Variants in MMRN2 observed in about 807,000 individuals in gnomAD.
MMRN2 encodes multimerin 2, also known as multimerin-2.
In MMRN2, 53 loss-of-function variants were observed where a neutral mutation model predicts 68.8. The ratio of observed to expected loss-of-function variants is 0.77; its 90% CI spans 0.62 to 0.97. The LOEUF (loss-of-function observed/expected upper bound fraction) is 0.97, where lower values mean the gene tolerates loss of function less well. MMRN2 is among the 50% of genes least tolerant of loss of function. The pLI is 0.00. For synonymous variants in MMRN2, 564 were observed against 551.6 expected, an observed-to-expected ratio of 1.02 and a Z score of -0.32; for missense variants, 1,266 against 1,259.5, an observed-to-expected ratio of 1.01 and a Z score of -0.08.
At position 86,939,230 on chromosome 10, in the gene MMRN2, G is replaced by T. The variant is rs182048297; in HGVS notation, c.2468-2105C>A. ...TGTAATCCCAGCACTTTGGAAGGCC[G>T]AGGTGGGCGGATCACGAGGTCAGGA... On this transcript the variant is annotated intron_variant, in intron 6 of 6. Transcript: ENST00000372027. Among the ~76,000 whole-genome samples the T allele has an allele frequency of 6.1e-4, 92 of 151,364 alleles. 1 individual carries two copies. The highest frequency in any genetic ancestry group is 2.0e-3 in the African/African-American group (84 of 41,224).
chr10:86,956,818 C>T (rs546099942), intron 1 of MMRN2, among the ~76,000 whole-genome samples: 1 of 152,348 alleles, frequency 6.6e-6, no homozygotes, highest in East Asian at 1.9e-4. Context: ...GGCCCTGGCT[C>T]TGTACACATA....
At position 86,942,666 on chromosome 10, in the gene MMRN2, G is replaced by C; in HGVS notation, c.2118C>G (p.Asn706Lys). The change falls in exon 6 of 7, where the codon AAC (asparagine) becomes AAG (lysine). Residue 706 changes from asparagine to lysine, a missense_variant. By Grantham distance (94) the Asn-to-Lys change is moderately conservative. Transcript: ENST00000372027. The part of the protein sequence containing the change: ...GLARELQSLS[N>K]DVKNVGRCCE... ...AGCACCGCCCGACATTCTTGACGTC[G>C]TTGCTCAGGCTCTGGAGCTCCCGCG... 1 of 1,594,108 alleles carries C rather than the reference G, an allele frequency of 6.3e-7. No individual in the cohort carries two copies. The highest frequency in any genetic ancestry group is 8.5e-7 in the Non-Finnish European group (1 of 1,177,188).
intron 1 of MMRN2, among the ~76,000 whole-genome samples, chr10:86,946,941 G>A (rs1176799413): frequency 6.6e-6 from 1 of 152,174 alleles, no homozygotes; most frequent in African/African-American, 2.4e-5. Flanking sequence ...TGAGGCACCA[G>A]ATGTGACAGG....
chr10:86,951,437 C>G (rs1056887379), intron 1 of MMRN2, among the ~76,000 whole-genome samples: 2 of 152,260 alleles, frequency 1.3e-5, no homozygotes, highest in African/African-American at 4.8e-5. Context: ...CTCCAGAGTG[C>G]AGGGCCTTGT....
chr10:86,937,116 A>G lies in MMRN2; in HGVS notation c.2477T>C (p.Val826Ala), dbSNP rs150335178. 5.8e-5 allele frequency: 94 copies of G among 1,613,988 alleles called. No homozygotes were observed. The highest frequency in any genetic ancestry group is 7.5e-5 in the Non-Finnish European group (88 of 1,179,956). ...TTCTGAAAAGCTGGCATAGAAGGCC[A>G]CAGGGGATCCTGAAACATAACAGGA... is the stretch of plus-strand genomic sequence containing the variant. ...GAALWEAGSP[V>A]AFYASFSEGT... The change falls in exon 7 of 7, where the codon GTG becomes GCG. Residue 826 changes from valine to alanine, a missense_variant. Physicochemically the swap from Val to Ala is moderately conservative, Grantham distance 64. Transcript: ENST00000372027.
chr10:86,943,518 A>G lies in MMRN2; in HGVS notation c.1266T>C (p.Thr422=). 1 of 1,614,192 alleles carries G rather than the reference A, an allele frequency of 6.2e-7. No individual in the cohort carries two copies. Residue 422 remains threonine, a synonymous_variant, in exon 6 of 7, where the codon ACT becomes ACC. Coordinates refer to ENST00000372027, the MANE Select transcript of MMRN2 (RefSeq NM_024756.3). The surrounding 1 kb of genome is among the most constrained non-coding windows in gnomAD (Gnocchi z 4.2). ...IKELYSESDE[T]FDQISKVERQ... Reference sequence around the variant, plus strand: ...GCTCCACCTTGCTAATCTGATCGAAAGTCTCGTCCGATTCGGAGTACAGTT... The same window carrying G: ...GCTCCACCTTGCTAATCTGATCGAAGGTCTCGTCCGATTCGGAGTACAGTT...
chr10:86,943,835 C>T lies in MMRN2; in HGVS notation c.949G>A (p.Ala317Thr), dbSNP rs138085924. The T allele has an allele frequency of 7.1e-5, 115 of 1,612,500 alleles. No individual in the cohort carries two copies. Among genetic ancestry groups the T allele is most frequent in the Non-Finnish European group, 9.0e-5 (106 of 1,180,016 alleles). Residue 317 changes from alanine to threonine, a missense_variant, in exon 6 of 7, where the codon GCC becomes ACC. Transcript: ENST00000372027. The surrounding 1 kb of genome is among the most constrained non-coding windows in gnomAD (Gnocchi z 4.2). ...GAGCGGTGCAGGGTAAAGTGCTGGGCGTGCAGGCGGTCCTCCACGTCCTGT... is the reference window on the plus strand; with the variant it reads ...GAGCGGTGCAGGGTAAAGTGCTGGGTGTGCAGGCGGTCCTCCACGTCCTGT... ...LRQDVEDRLHAQHFTLHRSIS... is the reference protein window; with the variant it reads ...LRQDVEDRLHTQHFTLHRSIS...
Position 86,943,030 on chromosome 10 carries a change from G to A in MMRN2, c.1754C>T (p.Ala585Val), listed in dbSNP as rs1844000081. 2 of 1,354,406 alleles carry A rather than the reference G, an allele frequency of 1.5e-6. No homozygotes were observed. Among genetic ancestry groups the A allele is most frequent in the East Asian group, 3.4e-5 (1 of 29,592 alleles). 83.9% of individuals were successfully genotyped at this position (1,354,406 alleles called of 1,614,324 possible). Residue 585 changes from alanine to valine, a missense_variant, in exon 6 of 7, where the codon GCC becomes GTC. Physicochemically the swap from Ala to Val is moderately conservative, Grantham distance 64 (BLOSUM62 0). Transcript: ENST00000372027. This position sits in a 1 kb window ranked among gnomAD's most constrained non-coding sequence, Gnocchi z 4.2. Reference sequence around the variant, plus strand: ...GTGCAGCTGGCGCACCTCGTGGCGGGCCTCGGCCGCGGCCGCCTTCAGCGC... The same window carrying A: ...GTGCAGCTGGCGCACCTCGTGGCGGACCTCGGCCGCGGCCGCCTTCAGCGC... ...VGALKAAAAE[A>V]RHEVRQLHSA... is the part of the protein sequence containing the mutation.
In MMRN2 at chr10:86,943,934, C is replaced by T; in HGVS notation, c.850G>A (p.Ala284Thr). Reference protein sequence around the residue: ...SRVQDSAVARADFQELGAKFE... With the variant: ...SRVQDSAVARTDFQELGAKFE... ...TTGGCACCAAGCTCCTGGAAGTCAG[C>T]CCTGGCCACGGCACTGTCCTGGACT... Residue 284 changes from alanine (A) to threonine (T), a missense_variant, in exon 6 of 7, where the codon GCT (alanine) becomes ACT (threonine). Coordinates refer to ENST00000372027, the MANE Select transcript of MMRN2 (RefSeq NM_024756.3). The surrounding 1 kb of genome is among the most constrained non-coding windows in gnomAD (Gnocchi z 4.2). 6.2e-7 allele frequency: 1 copy of T among 1,614,134 alleles called. No individual in the cohort carries two copies. The highest frequency in any genetic ancestry group is 8.5e-7 in the Non-Finnish European group (1 of 1,180,022).
chr10:86,944,356 A>G lies in MMRN2; in HGVS notation c.561T>C (p.Asp187=), dbSNP rs1219001084. 1 of 1,614,014 alleles carries G rather than the reference A, an allele frequency of 6.2e-7. No individual in the cohort carries two copies. Among genetic ancestry groups the G allele is most frequent in the Non-Finnish European group, 8.5e-7 (1 of 1,180,020 alleles). Residue 187 remains aspartate, a synonymous_variant, in exon 5 of 7, where the codon GAT becomes GAC. Coordinates refer to ENST00000372027, the MANE Select transcript of MMRN2 (RefSeq NM_024756.3). ...GCAGGCTGTCTGCCACCCGGTGCAC[A>G]TCATTCTGGAGATCTCCCAGCAGAT... The part of the protein sequence containing the change: ...QEHLLGDLQN[D]VHRVADSLPG...
At chr10:86,954,499 G>A (rs1844189911) in intron 1 of MMRN2, among the ~76,000 whole-genome samples, 1 of 152,074 alleles carries the variant, frequency 6.6e-6, no homozygotes. Context: ...GGAGGGGGAG[G>A]GCGCATCCAT....
intron 6 of MMRN2, among the ~76,000 whole-genome samples, chr10:86,939,419 G>GCCATTGCA (rs966042535): frequency 7.2e-6 from 1 of 138,900 alleles, no homozygotes; most frequent in African/African-American, 2.7e-5. Flanking sequence ...CCGAGATCGT[G>GCCATTGCA]CCATTGCACT....
rs1355227960 is a variant in MMRN2, at chr10:86,944,123, G to A, written c.661C>T (p.Pro221Ser). 1 of 1,613,300 alleles carries A rather than the reference G, an allele frequency of 6.2e-7. No homozygotes were observed. The highest frequency in any genetic ancestry group is 1.1e-5 in the South Asian group (1 of 91,062). The change falls in exon 6 of 7, where the codon CCT becomes TCT. Residue 221 changes from proline to serine, a missense_variant. Pro to Ser is a moderately conservative substitution (Grantham distance 74). Coordinates refer to ENST00000372027, the MANE Select transcript of MMRN2 (RefSeq NM_024756.3). ...AGCACCTGCTCCAAGGATCTATCAG[G>A]GAACTCTGCAACAGACATGTGGTGT... ...MEANQTGHEF[P>S]DRSLEQVLLP...
In MMRN2 at chr10:86,942,986, G is replaced by A. The variant is rs1843999098; in HGVS notation, c.1798C>T (p.Leu600=). 3.4e-6 allele frequency: 5 copies of A among 1,470,826 alleles called. No homozygotes were observed. In the South Asian group the frequency reaches 5.1e-5, roughly 15 times the overall value. The allele number at this position is 1,470,826 out of a possible 1,614,324, so 91.1% of individuals were successfully genotyped here. ...RQLHSAFAAL[L]EDALRHEAVL... is the part of the protein sequence containing the mutation. ...GCCTCGTGCCGCAGCGCGTCCTCCA[G>A]CAGGGCGGCGAAGGCGCTGTGCAGC... Residue 600 remains leucine (L), a synonymous_variant, in exon 6 of 7, where the codon CTG becomes TTG. Coordinates refer to ENST00000372027, the MANE Select transcript of MMRN2 (RefSeq NM_024756.3).
At chr10:86,954,726 G>A (rs1844193925) in intron 1 of MMRN2, among the ~76,000 whole-genome samples, 1 of 151,438 alleles carries the variant, frequency 6.6e-6, no homozygotes, top group Non-Finnish European at 1.5e-5. Flanking sequence ...GGCTCTCAGG[G>A]ATCAGCCCAG....
intron 1 of MMRN2, among the ~76,000 whole-genome samples, chr10:86,952,157 C>G (rs973470930): frequency 1.3e-5 from 2 of 152,172 alleles, no homozygotes; most frequent in Non-Finnish European, 2.9e-5. Context: ...GCTCAGGATT[C>G]GATATGCCAG....
chr10:86,941,798 T>TAAAA (rs55898424), intron 6 of MMRN2, among the ~76,000 whole-genome samples: 5 of 115,078 alleles, frequency 4.3e-5, no homozygotes, highest in African/African-American at 1.7e-4. Flanking sequence ...AGACCCATCT[T>TAAAA]AAAAAAAAAA....
chr10:86,941,697 G>C (rs2133676956), intron 6 of MMRN2, among the ~76,000 whole-genome samples: 1 of 151,566 alleles, frequency 6.6e-6, no homozygotes, highest in African/African-American at 2.4e-5. Flanking sequence ...TACTCTGGAG[G>C]CTGAAGTGGG....
In MMRN2 at chr10:86,942,632, C is replaced by G; in HGVS notation, c.2152G>C (p.Glu718Gln). The change falls in exon 6 of 7, where the codon GAG becomes CAG. Residue 718 changes from glutamate (E) to glutamine (Q), a missense_variant. Coordinates refer to ENST00000372027, the MANE Select transcript of MMRN2 (RefSeq NM_024756.3). ...AGGGAGGCGGCCCCGGCCCCGGCCT[C>G]GGCCTCGCAGCACCGCCCGACATTC... ...VKNVGRCCEA[E>Q]AGAGAASLNA... The G allele has an allele frequency of 6.2e-7, 1 of 1,602,008 alleles. No homozygotes were observed. Among genetic ancestry groups the G allele is most frequent in the Non-Finnish European group, 8.5e-7 (1 of 1,179,346 alleles).
Sources: gnomAD v4.1 joint callset for allele counts (sites outside exome capture counted in the v4.1 genomes callset) on GRCh38, gnomAD v4.1.1 for gene constraint, Gnocchi (gnomAD v3.1) non-coding constraint, MANE v1.5 for transcripts, NCBI Gene and HGNC (gene_info 2026-07-23, HGNC 2026-07-21) for gene names.